The following SVEP1 variants were observed in gnomAD, a reference collection of about 807,000 sequenced individuals.
SVEP1 encodes sushi, von Willebrand factor type A, EGF and pentraxin domain containing 1.
SVEP1 carries 164 observed loss-of-function variants against 367.3 expected under a neutral mutation model. The observed-to-expected ratio is 0.45, with a 90% confidence interval of 0.39 to 0.51. The LOEUF is 0.51. Ranked by LOEUF, SVEP1 falls within the 20% of genes least tolerant of loss-of-function variation. The probability of loss-of-function intolerance (pLI) is 0.00; values close to 1 mark genes in which losing one functional copy is unlikely to be tolerated. For missense variants in SVEP1, 4,117 were observed against 4,425.3 expected (o/e 0.93, Z 1.98); for synonymous variants, 1,666 against 1,611.6 (o/e 1.03, Z -0.81).
At chr9:110,454,429 C>T (rs998145008) in intron 22 of SVEP1, among the ~76,000 whole-genome samples, 4 of 152,116 alleles carry the variant, frequency 2.6e-5, no homozygotes, top group Admixed American at 6.5e-5. Flanking sequence ...GTATGGTTGG[C>T]CAGTAATCCC....
chr9:110,480,505 A>C (rs1829168253), intron 12 of SVEP1, among the ~76,000 whole-genome samples: 1 of 152,192 alleles, frequency 6.6e-6, no homozygotes, highest in African/African-American at 2.4e-5. Flanking sequence ...ATAACAATGT[A>C]TATTTAAGAT....
At chr9:110,516,484 C>T (rs1174430243) in intron 3 of SVEP1, among the ~76,000 whole-genome samples, 1 of 151,760 alleles carries the variant, frequency 6.6e-6, no homozygotes, top group Non-Finnish European at 1.5e-5. Context: ...GGAAACACTA[C>T]TTTGAAGCAC....
intron 26 of SVEP1, 63 bp from the exon 27 acceptor site, chr9:110,443,783 G>C (rs1828550121): frequency 7.4e-7 from 1 of 1,350,408 alleles, no homozygotes; most frequent in African/African-American, 1.5e-5. Context: ...CTTACTGTGG[G>C]GCATGCTACA....
intron 46 of SVEP1, among the ~76,000 whole-genome samples, chr9:110,374,568 T>C (rs574436618): frequency 6.6e-6 from 1 of 152,174 alleles, no homozygotes; most frequent in Non-Finnish European, 1.5e-5. Context: ...GAGAATTGCT[T>C]GAACCTGGGA....
intron 17 of SVEP1, among the ~76,000 whole-genome samples, chr9:110,467,418 C>A (rs1217035799): frequency 6.6e-6 from 1 of 152,024 alleles, no homozygotes; most frequent in Non-Finnish European, 1.5e-5. Context: ...GAACAGAATC[C>A]AGCTGATAGA....
At chr9:110,540,853 C>T (rs1830135267) in intron 3 of SVEP1, among the ~76,000 whole-genome samples, 1 of 152,170 alleles carries the variant, frequency 6.6e-6, no homozygotes, top group South Asian at 2.1e-4. Context: ...CATGAAGTAG[C>T]TGCTTACTGT....
chr9:110,415,522 C>T (rs146663903), intron 36 of SVEP1, among the ~76,000 whole-genome samples: 33 of 152,002 alleles, frequency 2.2e-4, no homozygotes, highest in Non-Finnish European at 2.9e-4. Context: ...TGGAAGAAGA[C>T]GGTAAGACAG....
rs574225409 is a variant in SVEP1 at position 110,447,243 on chromosome 9, T to C, written c.4104-186A>G. Reference sequence around the variant, plus strand: ...TTAAATCTATGTAAGACAAGATGTATTAGAAATGTGCAGTAGCAAAAATAA... The same window carrying C: ...TTAAATCTATGTAAGACAAGATGTACTAGAAATGTGCAGTAGCAAAAATAA... On this transcript the variant is annotated intron_variant, in intron 24 of 47. Coordinates refer to ENST00000374469, the MANE Select transcript of SVEP1 (RefSeq NM_153366.4). Among the ~76,000 whole-genome samples the C allele has an allele frequency of 3.3e-5, 5 of 152,338 alleles. No homozygotes were observed. The East Asian group carries it at 9.6e-4, about 29-fold the overall frequency.
At chr9:110,504,377 G>A (rs562042843) in intron 5 of SVEP1, among the ~76,000 whole-genome samples, 4 of 152,208 alleles carry the variant, frequency 2.6e-5, no homozygotes, top group African/African-American at 9.6e-5. Context: ...GCTTTTTAAA[G>A]GGGGCTGTCT....
At chr9:110,447,118 T>TA (rs1828613792) in intron 24 of SVEP1, 61 bp from the exon 25 acceptor site, 1 of 1,305,002 alleles carries the variant, frequency 7.7e-7, no homozygotes, top group Non-Finnish European at 9.8e-7. Flanking sequence ...CCATTTATGA[T>TA]AATCTTATCT....
In SVEP1 at chr9:110,430,009, A is replaced by G; in HGVS notation, c.5531-5T>C. On this transcript the variant is annotated splice_region_variant and splice_polypyrimidine_tract_variant and intron_variant, in intron 33 of 47. Coordinates refer to ENST00000374469, the MANE Select transcript of SVEP1 (RefSeq NM_153366.4). ...CCGGTTTACCACATGAAACAGCTTAACAAAGGAAAAACAAACACGTGACTT... is the reference window on the plus strand; with the variant it reads ...CCGGTTTACCACATGAAACAGCTTAGCAAAGGAAAAACAAACACGTGACTT... 1 of 1,611,440 alleles carries G rather than the reference A, an allele frequency of 6.2e-7. No homozygotes were observed. Among genetic ancestry groups the G allele is most frequent in the South Asian group, 1.1e-5 (1 of 90,924 alleles).
chr9:110,546,324 A>ACAT, intron 2 of SVEP1, 33 bp from the exon 3 acceptor site: 1 of 1,553,262 alleles, frequency 6.4e-7, no homozygotes, highest in South Asian at 1.2e-5. Context: ...GGCGATAAAA[A>ACAT]TGAGTCACAG....
intron 1 of SVEP1, among the ~76,000 whole-genome samples, chr9:110,565,083 G>A (rs1005517334): frequency 5.3e-5 from 8 of 152,072 alleles, no homozygotes; most frequent in Non-Finnish European, 7.4e-5. Context: ...AGGTTTTGGG[G>A]TTTTGTTTTG....
At chr9:110,553,920 T>C (rs1297789987) in intron 1 of SVEP1, among the ~76,000 whole-genome samples, 1 of 152,200 alleles carries the variant, frequency 6.6e-6, no homozygotes, top group Non-Finnish European at 1.5e-5. Flanking sequence ...CGCAAGCCTA[T>C]TAAATATTCT....
chr9:110,441,823 G>C (rs1175935774), intron 27 of SVEP1, among the ~76,000 whole-genome samples: 1 of 152,022 alleles, frequency 6.6e-6, no homozygotes, highest in East Asian at 1.9e-4. Flanking sequence ...ACTTCTTTCT[G>C]CTCGTGACAG....
At chr9:110,390,244 T>TATATACGTATATATATACACATACTTAC (rs1228999868) in intron 40 of SVEP1, among the ~76,000 whole-genome samples, 4 of 125,836 alleles carry the variant, frequency 3.2e-5, no homozygotes, top group African/African-American at 1.1e-4. Flanking sequence ...AGTATGTGTA[T>TATATACGTATATATATACACATACTTAC]ATATACTTAT....
Position 110,450,058 on chromosome 9 carries a change from C to T in SVEP1, c.4103+1G>A, listed in dbSNP as rs1477980384. The T allele has an allele frequency of 1.2e-6, 2 of 1,613,690 alleles. No homozygotes were observed. The highest frequency in any genetic ancestry group is 1.7e-5 in the Admixed American group (1 of 59,986). ...GAAAAGAATCAGACTTAGCCTTTTA[C>T]CTGAAGCTATTGGCACCGTCTTTAC... is the stretch of plus-strand genomic sequence containing the variant. On this transcript the variant is annotated splice_donor_variant, in intron 24 of 47. Transcript: ENST00000374469. LOFTEE classifies it high-confidence loss of function.
chr9:110,542,549 T>G (rs1365530025), intron 3 of SVEP1, among the ~76,000 whole-genome samples: 3 of 152,194 alleles, frequency 2.0e-5, no homozygotes, highest in Non-Finnish European at 4.4e-5. Context: ...AACTTCTGTG[T>G]TGTGTGTTCT....
Position 110,434,337 on chromosome 9 carries a change from T to G in SVEP1, c.5058A>C (p.Glu1686Asp). ...GQWTQPLPHC[E>D]RISCGVPPPL... Reference sequence around the variant, plus strand: ...ATGGCTTCAAGAAAGGCAGCTCACGTTCACAGTGAGGAAGTGGTTGTGTCC... The same window carrying G: ...ATGGCTTCAAGAAAGGCAGCTCACGGTCACAGTGAGGAAGTGGTTGTGTCC... Residue 1686 changes from glutamate (E) to aspartate (D), a missense_variant and splice_region_variant, in exon 30 of 48, where the codon GAA (glutamate) becomes GAC (aspartate). This residue lies in a region of SVEP1 where 2,174 missense variants were observed against 2,494.3 expected (regional missense o/e 0.87). Transcript: ENST00000374469. The G allele has an allele frequency of 6.3e-7, 1 of 1,594,720 alleles. No homozygotes were observed.
Sources: gnomAD v4.1 joint callset for allele counts (sites outside exome capture counted in the v4.1 genomes callset) on GRCh38, gnomAD v4.1.1 for gene constraint, gnomAD v4.1.1 regional missense constraint, MANE v1.5 for transcripts, NCBI Gene and HGNC (gene_info 2026-07-23, HGNC 2026-07-21) for gene names.